WAC: variants seen among roughly 807,000 people sequenced by gnomAD.
WAC encodes the protein WW domain containing adaptor with coiled-coil, also known as WW domain-containing adapter protein with coiled-coil.
A neutral mutation model predicts 79.6 loss-of-function variants in WAC; 11 were observed. That is an observed-to-expected ratio of 0.14 (90% confidence interval 0.09 to 0.23). The LOEUF is 0.23. Among genes scored for constraint, WAC ranks in the 10% least tolerant of loss-of-function variants. WAC has a pLI of 1.00. For synonymous variants in WAC, 304 were observed against 276.9 expected (o/e 1.10, Z -0.97); for missense variants, 728 against 773.5 (o/e 0.94, Z 0.70).
intron 3 of WAC, among the ~76,000 whole-genome samples, chr10:28,560,067 C>T (rs1474937023): frequency 3.3e-5 from 5 of 152,112 alleles, no homozygotes; most frequent in African/African-American, 9.7e-5. Context: ...TAAGGCCAGG[C>T]GTGGTGGCTC....
rs554546140 is a variant in WAC at position 28,596,604 on chromosome 10, T to A, written c.919+563T>A. On this transcript the variant is annotated intron_variant, in intron 7 of 13. Transcript: ENST00000354911. ...TCAGTGTCAATAATCATAGCATGTT[T>A]AAAAAGTTACAGAAAAATTTAAGAA... is the stretch of plus-strand genomic sequence containing the variant. Among the ~76,000 whole-genome samples, 18 of 152,278 alleles carry A rather than the reference T, an allele frequency of 1.2e-4. No individual in the cohort carries two copies. In the East Asian group the frequency reaches 3.5e-3, roughly 29 times the overall value.
At position 28,622,492 on chromosome 10, in the gene WAC, T is replaced by C. The variant is rs1841730003; in HGVS notation, c.*2886T>C. ...TATTCAAACTTTTAAAATGTCGTGG[T>C]ATTGTAACAATATATTTGATGAAAG... On this transcript the variant is annotated 3_prime_UTR_variant, in exon 14 of 14. Transcript: ENST00000354911. 1 of 137,262 alleles carries C rather than the reference T, an allele frequency of 7.3e-6. No homozygotes were observed. Among genetic ancestry groups the C allele is most frequent in the Admixed American group, 8.4e-5 (1 of 11,896 alleles). The allele number at this position is 137,262 out of a possible 1,614,324, so 8.5% of individuals were successfully genotyped here. A position where few individuals can be genotyped will look rare whatever the true frequency, so the allele number is the denominator to read the frequency against.
chr10:28,562,568 T>TA (rs1473592971), intron 3 of WAC, among the ~76,000 whole-genome samples: 1 of 152,236 alleles, frequency 6.6e-6, no homozygotes, highest in Non-Finnish European at 1.5e-5. Context: ...GGTGATTTAG[T>TA]AAGTGTTATT....
At chr10:28,537,193 G>T (rs1483174198) in intron 3 of WAC, among the ~76,000 whole-genome samples, 1 of 152,196 alleles carries the variant, frequency 6.6e-6, no homozygotes. Context: ...CCACATTTTT[G>T]TAACAGTAGT....
At position 28,611,862 on chromosome 10, in the gene WAC, A is replaced by T; in HGVS notation, c.1377A>T (p.Gln459His). Residue 459 changes from glutamine to histidine, a missense_variant, in exon 10 of 14, where the codon CAA becomes CAT. Gln to His is a conservative substitution (Grantham distance 24). Around this residue, in one of 3 missense-constraint regions of WAC, gnomAD observed 648 missense variants for 661.5 expected, o/e 0.98. Coordinates refer to ENST00000354911, the MANE Select transcript of WAC (RefSeq NM_016628.5). Reference sequence around the variant, plus strand: ...TTTCTCCAAGAATAAGCACACCTCAAACTAACACAGTCCCTATCAAACCTT... The same window carrying T: ...TTTCTCCAAGAATAAGCACACCTCATACTAACACAGTCCCTATCAAACCTT... Reference protein sequence around the residue: ...SYVSPRISTPQTNTVPIKPLI... With the variant: ...SYVSPRISTPHTNTVPIKPLI... The T allele has an allele frequency of 6.2e-7, 1 of 1,614,144 alleles. No homozygotes were observed. The highest frequency in any genetic ancestry group is 1.1e-5 in the South Asian group (1 of 91,080).
chr10:28,548,072 C>G (rs564329055), intron 3 of WAC, among the ~76,000 whole-genome samples: 462 of 151,996 alleles, frequency 3.0e-3, no homozygotes, highest in Middle Eastern at 6.8e-3. Flanking sequence ...AGGTGCGTGC[C>G]ACCATGCCTG....
chr10:28,553,264 T>TAA (rs1837795844), intron 3 of WAC, among the ~76,000 whole-genome samples: 1 of 4,532 alleles, frequency 2.2e-4, no homozygotes, highest in African/African-American at 1.2e-3. Context: ...TGTTTACAAA[T>TAA]TTTGTTTATG....
chr10:28,595,537 TC>T (rs1323277309), intron 6 of WAC, among the ~76,000 whole-genome samples, 195 bp from the exon 7 acceptor site: 2 of 152,160 alleles, frequency 1.3e-5, no homozygotes, highest in Non-Finnish European at 2.9e-5. Flanking sequence ...CAAAAACTCC[TC>T]CTCTTCCAGT....
chr10:28,534,020 T>G lies in WAC; in HGVS notation c.64T>G (p.Ser22Ala). Reference sequence around the variant, plus strand: ...CAGCTGTCACGACCGGAGGGGGGACTCGCAGCCTTACCAGGTACCAGCCGA... The same window carrying G: ...CAGCTGTCACGACCGGAGGGGGGACGCGCAGCCTTACCAGGTACCAGCCGA... Reference protein sequence around the residue: ...SDGCHDRRGDSQPYQALKYSS... With the variant: ...SDGCHDRRGDAQPYQALKYSS... Residue 22 changes from serine (S) to alanine (A), a missense_variant, in exon 2 of 14, where the codon TCG becomes GCG. Transcript: ENST00000354911. 1 of 1,595,146 alleles carries G rather than the reference T, an allele frequency of 6.3e-7. No homozygotes were observed. The highest frequency in any genetic ancestry group is 8.5e-7 in the Non-Finnish European group (1 of 1,171,580).
At chr10:28,560,548 A>G (rs1487857563) in intron 3 of WAC, among the ~76,000 whole-genome samples, 1 of 152,164 alleles carries the variant, frequency 6.6e-6, no homozygotes, top group African/African-American at 2.4e-5. Context: ...TGAGTAGGCA[A>G]ATAAGTAGGT....
intron 6 of WAC, among the ~76,000 whole-genome samples, chr10:28,595,340 G>A (rs1840303364): frequency 6.6e-6 from 1 of 152,098 alleles, no homozygotes; most frequent in Non-Finnish European, 1.5e-5. Context: ...GACCTGTAGT[G>A]TAAAAGAACG....
rs142343459 is a variant in WAC, at chr10:28,622,462, GTC to G, written c.*2860_*2861del. On this transcript the variant is annotated 3_prime_UTR_variant, in exon 14 of 14. Coordinates refer to ENST00000354911, the MANE Select transcript of WAC (RefSeq NM_016628.5). ...CCCCCCCCGTTTTAAAAGATCAGTA[GTC>G]TCTATTCAAACTTTTAAAATGTCGT... is the stretch of plus-strand genomic sequence containing the variant. The G allele has an allele frequency of 3.6e-3, 363 of 101,560 alleles. 3 individuals carry two copies. The highest frequency in any genetic ancestry group is 0.013 in the African/African-American group (341 of 26,006). The allele number at this position is 101,560 out of a possible 1,614,324, so 6.3% of individuals were successfully genotyped here.
rs2232789 is a variant in WAC at position 28,608,108 on chromosome 10, A to G, written c.920-78A>G. On this transcript the variant is annotated intron_variant, in intron 7 of 13. Coordinates refer to ENST00000354911, the MANE Select transcript of WAC (RefSeq NM_016628.5). Reference sequence around the variant, plus strand: ...ATTACTTACGTTAGGTGCCTGGCACATGAGAGGTGTTCCTTTGATGTTTGT... The same window carrying G: ...ATTACTTACGTTAGGTGCCTGGCACGTGAGAGGTGTTCCTTTGATGTTTGT... The G allele has an allele frequency of 7.5e-4, 1,158 of 1,548,712 alleles. 8 individuals carry two copies. The African/African-American group carries it at 0.014, about 19-fold the overall frequency.
intron 3 of WAC, among the ~76,000 whole-genome samples, chr10:28,545,686 A>G (rs1333394957): frequency 6.6e-6 from 1 of 152,192 alleles, no homozygotes; most frequent in African/African-American, 2.4e-5. Context: ...AGAATTCTCT[A>G]TCATCTAGAT....
At chr10:28,537,429 T>G (rs142449607) in intron 3 of WAC, among the ~76,000 whole-genome samples, 144 of 152,216 alleles carry the variant, frequency 9.5e-4, no homozygotes, top group Non-Finnish European at 1.7e-3. Context: ...TTGGTGATTG[T>G]AACAAAATAG....
chr10:28,591,009 T>C, intron 6 of WAC, 177 bp downstream of exon 6: 1 of 592,000 alleles, frequency 1.7e-6, no homozygotes, highest in South Asian at 2.0e-5. Flanking sequence ...AGGGAAAAGA[T>C]ACACGGTCGA....
intron 7 of WAC, among the ~76,000 whole-genome samples, chr10:28,604,714 T>C (rs2132775949): frequency 6.6e-6 from 1 of 152,224 alleles, no homozygotes; most frequent in East Asian, 1.9e-4. Flanking sequence ...AGAACGACTG[T>C]ATCTCAGGAA....
At position 28,579,006 on chromosome 10, in the gene WAC, T is replaced by G. The variant is rs1358806939; in HGVS notation, c.275-4393T>G. Among the ~76,000 whole-genome samples, 3 of 152,170 alleles carry G rather than the reference T, an allele frequency of 2.0e-5. No homozygotes were observed. The East Asian group carries it at 5.8e-4, about 29-fold the overall frequency. ...TATAGAGCCCCTATATCTGTCCTGC[T>G]CTTCTCCCTAAACCAAGTCATTCCC... On this transcript the variant is annotated intron_variant, in intron 3 of 13. Transcript: ENST00000354911.
At chr10:28,584,842 A>T (rs1224370304) in intron 4 of WAC, among the ~76,000 whole-genome samples, 1 of 152,196 alleles carries the variant, frequency 6.6e-6, no homozygotes, top group Non-Finnish European at 1.5e-5. Flanking sequence ...CTGTAATCCT[A>T]GCACTTGGGA....
Sources: allele counts gnomAD v4.1 joint callset (sites outside exome capture counted in the v4.1 genomes callset), GRCh38; gene constraint gnomAD v4.1.1; regional missense constraint gnomAD v4.1.1; transcripts MANE v1.5; gene names NCBI Gene and HGNC (gene_info 2026-07-23, HGNC 2026-07-21).